PTBP3: variants seen among roughly 807,000 people sequenced by gnomAD.
PTBP3 encodes the protein polypyrimidine tract-binding protein 3.
PTBP3 carries 20 observed loss-of-function variants against 58.7 expected under a neutral mutation model. The ratio of observed to expected loss-of-function variants is 0.34; its 90% CI spans 0.24 to 0.50. PTBP3 has a LOEUF of 0.50. Among genes scored for constraint, PTBP3 ranks in the 20% least tolerant of loss-of-function variants. The pLI, the probability that PTBP3 is intolerant of heterozygous loss-of-function variation, is 0.98. For synonymous variants in PTBP3, 185 were observed against 219.8 expected (o/e 0.84, Z 1.40); for missense variants, 509 against 637.2 (o/e 0.80, Z 2.17).
Position 112,297,900 on chromosome 9 carries a change from A to C in PTBP3, c.-35T>G, listed in dbSNP as rs1828761161. 1.9e-6 allele frequency: 3 copies of C among 1,613,182 alleles called. No individual in the cohort carries two copies. Among genetic ancestry groups the C allele is most frequent in the South Asian group, 1.1e-5 (1 of 90,954 alleles). ...TCCGTTAATGATGCCAGAAGAAAGA[A>C]GCTCATCAGATCCCCGCTGAAAAGC... On this transcript the variant is annotated 5_prime_UTR_variant, in exon 2 of 14. Transcript: ENST00000374257.
intron 2 of PTBP3, among the ~76,000 whole-genome samples, chr9:112,277,066 T>G (rs1417844301): frequency 1.3e-5 from 2 of 152,210 alleles, no homozygotes. Context: ...ACAAATTTCA[T>G]GAGGACCAAA....
chr9:112,339,381 T>C, the PTBP3 span, among the ~76,000 whole-genome samples: 1 of 150,850 alleles, frequency 6.6e-6, no homozygotes, highest in Admixed American at 6.6e-5. Flanking sequence ...CTAAGAATCA[T>C]CATTGCCCTT....
intron 1 of PTBP3, among the ~76,000 whole-genome samples, chr9:112,320,526 T>A (rs964174838): frequency 2.6e-5 from 4 of 151,440 alleles, no homozygotes; most frequent in Admixed American, 2.6e-4. Context: ...CCAGGGAAAA[T>A]CACAGCTTTG....
At chr9:112,322,845 T>C (rs1019293415) in intron 1 of PTBP3, among the ~76,000 whole-genome samples, 14 of 152,220 alleles carry the variant, frequency 9.2e-5, no homozygotes, top group Non-Finnish European at 1.8e-4. Flanking sequence ...TCAGTTGCTA[T>C]GGACCCCGAG....
chr9:112,315,869 G>A (rs2132413647), intron 1 of PTBP3, among the ~76,000 whole-genome samples: 1 of 152,192 alleles, frequency 6.6e-6, no homozygotes, highest in South Asian at 2.1e-4. Flanking sequence ...TTTGGTCTAA[G>A]TTACTCATTA....
Position 112,220,317 on chromosome 9 carries a change from G to C in PTBP3, c.*3534C>G, listed in dbSNP as rs1834762019. On this transcript the variant is annotated 3_prime_UTR_variant, in exon 14 of 14. Transcript: ENST00000374257. ...GTGGTGGCTCATGCCTGTAATCCCA[G>C]CACTGTGGGGAGGTGGAAGCAGGAG... The C allele has an allele frequency of 7.7e-7, 1 of 1,304,012 alleles. No individual in the cohort carries two copies. The highest frequency in any genetic ancestry group is 1.2e-5 in the South Asian group (1 of 82,108). 80.8% of individuals were successfully genotyped at this position (1,304,012 alleles called of 1,614,324 possible).
In PTBP3 at chr9:112,333,595, G is replaced by T; in HGVS notation, c.-177C>A. ...GCGAGCTTTGGCTCTGCGGAGCCCC[G>T]GCCGGTCCGAGGTGGAAGGAGAGTG... On this transcript the variant is annotated 5_prime_UTR_variant, in exon 1 of 14. Coordinates refer to ENST00000374257, the MANE Select transcript of PTBP3 (RefSeq NM_001163788.4). 7.7e-7 allele frequency: 1 copy of T among 1,297,262 alleles called. No homozygotes were observed. The highest frequency in any genetic ancestry group is 1.1e-6 in the Non-Finnish European group (1 of 921,816). 80.4% of individuals were successfully genotyped at this position (1,297,262 alleles called of 1,614,324 possible).
chr9:112,263,625 T>G (rs978539434), intron 4 of PTBP3, among the ~76,000 whole-genome samples: 2 of 152,178 alleles, frequency 1.3e-5, no homozygotes, highest in Non-Finnish European at 2.9e-5. Context: ...TAAAAAGACA[T>G]TACAATTAAA....
intron 10 of PTBP3, among the ~76,000 whole-genome samples, chr9:112,229,390 C>T (rs1835115179): frequency 6.6e-6 from 1 of 151,714 alleles, no homozygotes; most frequent in Non-Finnish European, 1.5e-5. Context: ...ATGGGGAAAC[C>T]CCGTCTCTAC....
chr9:112,359,909 T>C, the PTBP3 span, among the ~76,000 whole-genome samples: 115 of 151,640 alleles, frequency 7.6e-4, no homozygotes, highest in African/African-American at 2.5e-3. Flanking sequence ...ACTATAAAAA[T>C]TAATGTAAAG....
chr9:112,375,129 T>C, the PTBP3 span, among the ~76,000 whole-genome samples: 2 of 152,182 alleles, frequency 1.3e-5, no homozygotes, highest in Non-Finnish European at 2.9e-5. Context: ...GAACGAGTCA[T>C]CCTATCCACT....
chr9:112,242,818 TG>T (rs1397019384), intron 7 of PTBP3: 6 of 152,262 alleles, frequency 3.9e-5, no homozygotes, highest in Admixed American at 2.6e-4. Flanking sequence ...CCTGAATAGC[TG>T]GAACTACAGG....
the PTBP3 span, among the ~76,000 whole-genome samples, chr9:112,354,502 T>C: frequency 1.3e-5 from 2 of 152,212 alleles, no homozygotes; most frequent in South Asian, 4.1e-4. Flanking sequence ...CTCCTCTCCA[T>C]ACCACCCCCC....
chr9:112,360,343 C>T, the PTBP3 span, among the ~76,000 whole-genome samples: 1 of 152,150 alleles, frequency 6.6e-6, no homozygotes, highest in Admixed American at 6.5e-5. Flanking sequence ...ACCACCACAC[C>T]TGGCTTAATT....
At chr9:112,329,246 A>G (rs1052374895) in intron 1 of PTBP3, among the ~76,000 whole-genome samples, 4 of 152,158 alleles carry the variant, frequency 2.6e-5, no homozygotes, top group Non-Finnish European at 5.9e-5. Flanking sequence ...CCCCGTCTCT[A>G]TTAAAAATAC....
At chr9:112,256,294 C>CAT (rs370450580) in intron 5 of PTBP3, among the ~76,000 whole-genome samples, 18 of 59,012 alleles carry the variant, frequency 3.1e-4, no homozygotes, top group Non-Finnish European at 4.4e-4. Flanking sequence ...TATATATATA[C>CAT]ATATATATAT....
chr9:112,366,181 G>A, the PTBP3 span, among the ~76,000 whole-genome samples: 1 of 151,958 alleles, frequency 6.6e-6, no homozygotes, highest in East Asian at 1.9e-4. Context: ...TACTCAGGAG[G>A]CTAAGGCACA....
At chr9:112,329,588 C>T (rs1202552134) in intron 1 of PTBP3, among the ~76,000 whole-genome samples, 1 of 152,158 alleles carries the variant, frequency 6.6e-6, no homozygotes, top group African/African-American at 2.4e-5. Context: ...GCTTTGGTAC[C>T]TGGAAGACAA....
the PTBP3 span, among the ~76,000 whole-genome samples, chr9:112,350,653 ATGT>A: frequency 1.3e-5 from 2 of 152,152 alleles, no homozygotes; most frequent in African/African-American, 2.4e-5. Context: ...TTTTCTTAAT[ATGT>A]TGTTGTTAAT....
Sources: gnomAD v4.1 joint callset for allele counts (sites outside exome capture counted in the v4.1 genomes callset) on GRCh38, gnomAD v4.1.1 for gene constraint, MANE v1.5 for transcripts, NCBI Gene and HGNC (gene_info 2026-07-23, HGNC 2026-07-21) for gene names.